Variants in SEMA7A observed in about 807,000 individuals in gnomAD.
SEMA7A encodes semaphorin-7A.
SEMA7A carries 21 observed loss-of-function variants against 67.5 expected under a neutral mutation model. The observed-to-expected ratio is 0.31, with a 90% CI of 0.22 to 0.45. SEMA7A has a LOEUF of 0.45. SEMA7A is among the 20% of genes least tolerant of loss of function. SEMA7A has a pLI of 1.00. For synonymous variants in SEMA7A, 364 were observed against 368.5 expected, an observed-to-expected ratio of 0.99 and a Z score of 0.14; for missense variants, 774 against 908.6, an observed-to-expected ratio of 0.85 and a Z score of 1.90.
Position 74,414,423 on chromosome 15 carries a change from A to AAC in SEMA7A, c.1294+123_1294+124insGT. 9.7e-7 allele frequency: 1 copy of AAC among 1,034,538 alleles called. No individual in the cohort carries two copies. Among genetic ancestry groups the AAC allele is most frequent in the East Asian group, 2.4e-5 (1 of 41,862 alleles). The allele number at this position is 1,034,538 out of a possible 1,614,324, so 64.1% of individuals were successfully genotyped here. ...CACCCACACACATTAACCCCTGACA[A>AAC]CTCCAGTCACTCAATTATTCCTTCC... On this transcript the variant is annotated intron_variant, in intron 10 of 13. Coordinates refer to ENST00000261918, the MANE Select transcript of SEMA7A (RefSeq NM_003612.5). The surrounding 1 kb of genome is among the most constrained non-coding windows in gnomAD (Gnocchi z 4.1).
intron 7 of SEMA7A, 114 bp from the exon 8 acceptor site, chr15:74,416,099 C>T (rs2060945837): frequency 2.7e-6 from 3 of 1,127,928 alleles, no homozygotes; most frequent in African/African-American, 3.1e-5. Context: ...GGAAGGCAGG[C>T]TGTGAGGGGC....
At chr15:74,425,524 C>T (rs946359329) in intron 1 of SEMA7A, among the ~76,000 whole-genome samples, 2 of 152,148 alleles carry the variant, frequency 1.3e-5, no homozygotes, top group African/African-American at 4.8e-5. Context: ...GAGACCAAAG[C>T]CTACCGAGGG....
At chr15:74,415,115 A>G (rs1252562878) in intron 8 of SEMA7A, among the ~76,000 whole-genome samples, 169 bp from the exon 9 acceptor site, 1 of 152,128 alleles carries the variant, frequency 6.6e-6, no homozygotes, top group African/African-American at 2.4e-5. Flanking sequence ...TTGTGCTGCA[A>G]TTTAAAACCA....
At chr15:74,417,481 G>A in intron 5 of SEMA7A, 36 bp from the exon 6 acceptor site, 1 of 1,596,470 alleles carries the variant, frequency 6.3e-7, no homozygotes, top group East Asian at 2.2e-5. Flanking sequence ...AGTAAGGGCA[G>A]GCAGCTCCTG....
intron 1 of SEMA7A, among the ~76,000 whole-genome samples, chr15:74,432,183 C>T (rs113239526): frequency 1.3e-5 from 2 of 152,236 alleles, no homozygotes; most frequent in Admixed American, 6.5e-5. Context: ...TTCCAGAACA[C>T]TCAGATGTGG....
intron 1 of SEMA7A, among the ~76,000 whole-genome samples, chr15:74,427,010 C>T (rs976944728): frequency 6.6e-6 from 1 of 152,230 alleles, no homozygotes; most frequent in Non-Finnish European, 1.5e-5. Flanking sequence ...CATCTCTGCA[C>T]TTTGCTCCTG....
chr15:74,419,078 G>A, intron 1 of SEMA7A, 126 bp from the exon 2 acceptor site: 1 of 1,104,004 alleles, frequency 9.1e-7, no homozygotes. Flanking sequence ...CGTCAGACAA[G>A]CTCTGGGCTG....
intron 3 of SEMA7A, 119 bp from the exon 4 acceptor site, chr15:74,418,088 A>T: frequency 7.9e-7 from 1 of 1,265,582 alleles, no homozygotes; most frequent in Non-Finnish European, 1.1e-6. Context: ...CATAGGTGAC[A>T]GCCTCCCGGG....
intron 1 of SEMA7A, among the ~76,000 whole-genome samples, chr15:74,422,567 C>A (rs1018919242): frequency 2.6e-5 from 4 of 152,150 alleles, no homozygotes; most frequent in Non-Finnish European, 5.9e-5. Flanking sequence ...CCCTGAGTAC[C>A]ATTTCTCATG....
In SEMA7A at chr15:74,433,790, G is replaced by T; in HGVS notation, c.129C>A (p.Ser43=). Residue 43 remains serine (S), a synonymous_variant, in exon 1 of 14, where the codon TCC becomes TCA. Transcript: ENST00000261918. ...GTCCGCTCCTTAGGTGGCCCTGGGC[G>T]GAGGCGGCGGCCGCCCAGAGCAGCA... ...LLLLLWAAAA[S]AQGHLRSGPR... The T allele has an allele frequency of 1.4e-6, 2 of 1,431,224 alleles. No homozygotes were observed. Among genetic ancestry groups the T allele is most frequent in the Non-Finnish European group, 9.1e-7 (1 of 1,096,272 alleles). The allele number at this position is 1,431,224 out of a possible 1,614,324, so 88.7% of individuals were successfully genotyped here.
At chr15:74,416,448 G>A (rs538291161) in intron 7 of SEMA7A, 127 bp downstream of exon 7, 1 of 1,000,948 alleles carries the variant, frequency 1.0e-6, no homozygotes, top group East Asian at 2.6e-5. Flanking sequence ...TGCTCCCACA[G>A]TCCCTGACAC....
chr15:74,433,512 C>T, intron 1 of SEMA7A: 1 of 1,180,222 alleles, frequency 8.5e-7, no homozygotes, highest in Non-Finnish European at 1.1e-6. Flanking sequence ...TTAGCCGGGG[C>T]TCCGGCCCCC....
chr15:74,411,129 C>T lies in SEMA7A; in HGVS notation c.1640-144G>A. ...GCCCTCAGCGTCCTCCTTTTTTCTC[C>T]CGTCTCGCTCATCCCACCAAGAGGG... On this transcript the variant is annotated intron_variant, in intron 13 of 13. Coordinates refer to ENST00000261918, the MANE Select transcript of SEMA7A (RefSeq NM_003612.5). This position sits in a 1 kb window ranked among gnomAD's most constrained non-coding sequence, Gnocchi z 4.4. 1.5e-6 allele frequency: 2 copies of T among 1,361,288 alleles called. No homozygotes were observed. Among genetic ancestry groups the T allele is most frequent in the Non-Finnish European group, 2.0e-6 (2 of 1,010,202 alleles). The allele number at this position is 1,361,288 out of a possible 1,614,324, so 84.3% of individuals were successfully genotyped here.
At chr15:74,431,410 T>G (rs959549095) in intron 1 of SEMA7A, among the ~76,000 whole-genome samples, 1 of 152,238 alleles carries the variant, frequency 6.6e-6, no homozygotes, top group East Asian at 1.9e-4. Flanking sequence ...CAGAGTTCCC[T>G]GCTTTAATCT....
intron 6 of SEMA7A, 143 bp from the exon 7 acceptor site, chr15:74,416,857 C>A: frequency 1.1e-6 from 1 of 905,076 alleles, no homozygotes; most frequent in Non-Finnish European, 1.7e-6. Context: ...ACATCAGGTC[C>A]AACTCCCCGA....
At chr15:74,431,881 G>A (rs377471752) in intron 1 of SEMA7A, among the ~76,000 whole-genome samples, 9 of 152,202 alleles carry the variant, frequency 5.9e-5, no homozygotes, top group East Asian at 1.9e-4. Context: ...CCCAGCCAGC[G>A]GGGCTCAACA....
chr15:74,433,763 G>C lies in SEMA7A; in HGVS notation c.156C>G (p.Pro52=), dbSNP rs1248074403. The change falls in exon 1 of 14, where the codon CCC becomes CCG. Residue 52 remains proline (P), a synonymous_variant. Coordinates refer to ENST00000261918, the MANE Select transcript of SEMA7A (RefSeq NM_003612.5). The part of the protein sequence containing the change: ...ASAQGHLRSG[P]RIFAVWKGHV... ...TACCTTTCCAGACGGCGAAGATGCG[G>C]GGTCCGCTCCTTAGGTGGCCCTGGG... The C allele has an allele frequency of 6.9e-7, 1 of 1,446,384 alleles. No homozygotes were observed. The highest frequency in any genetic ancestry group is 9.0e-7 in the Non-Finnish European group (1 of 1,105,308). 89.6% of individuals were successfully genotyped at this position (1,446,384 alleles called of 1,614,324 possible).
intron 7 of SEMA7A, 148 bp from the exon 8 acceptor site, chr15:74,416,133 G>C: frequency 1.3e-6 from 1 of 792,574 alleles, no homozygotes. Flanking sequence ...GGGTGCCCCA[G>C]GACTCAGGGC....
At chr15:74,416,295 G>A (rs967455860) in intron 7 of SEMA7A, among the ~76,000 whole-genome samples, 1 of 151,596 alleles carries the variant, frequency 6.6e-6, no homozygotes, top group African/African-American at 2.4e-5. Flanking sequence ...CACACACGTG[G>A]CACAGCACAT....
Sources: gnomAD v4.1 joint callset for allele counts (sites outside exome capture counted in the v4.1 genomes callset) on GRCh38, gnomAD v4.1.1 for gene constraint, Gnocchi (gnomAD v3.1) non-coding constraint, MANE v1.5 for transcripts, NCBI Gene and HGNC (gene_info 2026-07-23, HGNC 2026-07-21) for gene names.